Variants in PACS1 observed in about 807,000 individuals in gnomAD.
PACS1 encodes phosphofurin acidic cluster sorting protein 1, also known as PACS-1.
Under a neutral mutation model 115.0 loss-of-function variants are expected in PACS1, and 24 were observed. The observed-to-expected ratio is 0.21, with a 90% CI of 0.15 to 0.29. PACS1 has a LOEUF of 0.29. PACS1 is among the 10% of genes least tolerant of loss of function. PACS1 has a pLI of 1.00. For missense variants in PACS1, 838 were observed against 1,251.2 expected, an observed-to-expected ratio of 0.67 and a Z score of 4.98; for synonymous variants, 453 against 504.5, an observed-to-expected ratio of 0.90 and a Z score of 1.37.
At position 66,208,594 on chromosome 11, in the gene PACS1, C is replaced by T. The variant is rs537360622; in HGVS notation, c.445-1768C>T. 3.4e-5 allele frequency among the ~76,000 whole-genome samples: 5 copies of T among 148,478 alleles called. No individual in the cohort carries two copies. In the East Asian group the frequency reaches 5.9e-4, roughly 18 times the overall value. ...CTTTGGGAGGCTGAAGTGGAAAGAT[C>T]GTTTGAGCTCAGAAGTTAAAGACCA... On this transcript the variant is annotated intron_variant, in intron 2 of 23. Transcript: ENST00000320580.
In PACS1 at chr11:66,235,393, C is replaced by A; in HGVS notation, c.2197C>A (p.Arg733=). Residue 733 remains arginine, a synonymous_variant, in exon 18 of 24, where the codon CGG becomes AGG. Transcript: ENST00000320580. This position sits in a 1 kb window ranked among gnomAD's most constrained non-coding sequence, Gnocchi z 5.6. ...CGTGGCCGAAGCCATGCTGACTTGC[C>A]GGCATAAGTTGTAAGTTTGACTTTG... is the stretch of plus-strand genomic sequence containing the variant. ...LPVAEAMLTC[R]HKFPDEDSYQ... 6.2e-7 allele frequency: 1 copy of A among 1,612,624 alleles called. No individual in the cohort carries two copies. Among genetic ancestry groups the A allele is most frequent in the Non-Finnish European group, 8.5e-7 (1 of 1,178,744 alleles).
At chr11:66,182,961 C>T (rs534832832) in intron 1 of PACS1, among the ~76,000 whole-genome samples, 3 of 152,106 alleles carry the variant, frequency 2.0e-5, no homozygotes, top group African/African-American at 7.2e-5. Context: ...GAAACCTCGT[C>T]TCTACTAAAA....
At chr11:66,139,525 C>T (rs1858930775) in intron 1 of PACS1, among the ~76,000 whole-genome samples, 1 of 146,336 alleles carries the variant, frequency 6.8e-6, no homozygotes, top group African/African-American at 2.5e-5. Context: ...CCTGTGGTAA[C>T]CATCCTTCTA....
rs963096430 is a variant in PACS1 at position 66,070,345 on chromosome 11, G to C, written c.-142G>C. 222 of 338,982 alleles carry C rather than the reference G, an allele frequency of 6.5e-4. 1 individual carries two copies. Among genetic ancestry groups the C allele is most frequent in the Non-Finnish European group, 9.5e-4 (201 of 211,288 alleles). The allele number at this position is 338,982 out of a possible 1,614,324, so 21.0% of individuals were successfully genotyped here. A position where few individuals can be genotyped will look rare whatever the true frequency, so the allele number is the denominator to read the frequency against. ...AGGCCCGCGCGCCCAGAGGCCCCGC[G>C]CGTGCGTGCAGCTCGCTGGCTGCTC... On this transcript the variant is annotated 5_prime_UTR_variant, in exon 1 of 24. Coordinates refer to ENST00000320580, the MANE Select transcript of PACS1 (RefSeq NM_018026.4). The surrounding 1 kb of genome is among the most constrained non-coding windows in gnomAD (Gnocchi z 5.9).
chr11:66,166,620 A>G (rs1405853305), intron 1 of PACS1, among the ~76,000 whole-genome samples: 4 of 150,608 alleles, frequency 2.7e-5, no homozygotes, highest in Non-Finnish European at 5.9e-5. Flanking sequence ...TTTGAATTTG[A>G]TATAGTACAA....
At position 66,216,261 on chromosome 11, in the gene PACS1, C is replaced by G; in HGVS notation, c.803C>G (p.Ser268Cys). ...CATGAAGGAATCAAATCCAAGCTTT[C>G]TGGTAAGAAGCATGCAGCATCTGGA... Reference protein sequence around the residue: ...IDHEGIKSKLSDRSPDIDNYS... With the variant: ...IDHEGIKSKLCDRSPDIDNYS... The change falls in exon 5 of 24, where the codon TCT becomes TGT. Residue 268 changes from serine (S) to cysteine (C), a missense_variant and splice_region_variant. By Grantham distance (112) the Ser-to-Cys change is moderately radical. Coordinates refer to ENST00000320580, the MANE Select transcript of PACS1 (RefSeq NM_018026.4). 1 of 1,614,002 alleles carries G rather than the reference C, an allele frequency of 6.2e-7. No individual in the cohort carries two copies. The highest frequency in any genetic ancestry group is 8.5e-7 in the Non-Finnish European group (1 of 1,179,984).
At position 66,243,360 on chromosome 11, in the gene PACS1, C is replaced by T. The variant is rs940451146; in HGVS notation, c.*80C>T. ...GCGGGCAGGGGGAGGCCAGCAGGCC[C>T]GGGCCCAGCACCCCTTCCCTGGCAC... On this transcript the variant is annotated 3_prime_UTR_variant, in exon 24 of 24. Transcript: ENST00000320580. 3.8e-5 allele frequency: 36 copies of T among 937,330 alleles called. No individual in the cohort carries two copies. Among genetic ancestry groups the T allele is most frequent in the Middle Eastern group, 6.3e-4 (2 of 3,176 alleles). 58.1% of individuals were successfully genotyped at this position (937,330 alleles called of 1,614,324 possible).
intron 4 of PACS1, among the ~76,000 whole-genome samples, chr11:66,214,374 C>T (rs1042826384): frequency 2.6e-5 from 4 of 152,074 alleles, no homozygotes; most frequent in Non-Finnish European, 5.9e-5. Context: ...TTCCTCATTG[C>T]CAGTGACAGG....
intron 1 of PACS1, among the ~76,000 whole-genome samples, chr11:66,187,710 G>T (rs1415504737): frequency 1.3e-5 from 2 of 152,094 alleles, no homozygotes; most frequent in Non-Finnish European, 2.9e-5. Context: ...TTCCTCTGTT[G>T]TCGGACCCCT....
At chr11:66,092,606 G>A (rs1410703276) in intron 1 of PACS1, among the ~76,000 whole-genome samples, 2 of 152,042 alleles carry the variant, frequency 1.3e-5, no homozygotes, top group Non-Finnish European at 2.9e-5. Context: ...CCATGCCTAT[G>A]TCCTGAATGG....
At chr11:66,145,451 G>A (rs1342026697) in intron 1 of PACS1, among the ~76,000 whole-genome samples, 13 of 152,190 alleles carry the variant, frequency 8.5e-5, no homozygotes, top group South Asian at 2.1e-4. Flanking sequence ...AGTTCTGGTA[G>A]TGAGAGAGCT....
chr11:66,099,718 G>A (rs1007426711), intron 1 of PACS1, among the ~76,000 whole-genome samples: 1 of 150,936 alleles, frequency 6.6e-6, no homozygotes, highest in African/African-American at 2.4e-5. Flanking sequence ...GCTAATTTTT[G>A]TATTTTTTGT....
At chr11:66,196,193 C>T (rs1854645690) in intron 2 of PACS1, among the ~76,000 whole-genome samples, 4 of 152,220 alleles carry the variant, frequency 2.6e-5, no homozygotes. Context: ...CAGTGCACTC[C>T]AGCCTGGGTG....
chr11:66,121,127 A>C (rs889743737), intron 1 of PACS1: 4 of 451,132 alleles, frequency 8.9e-6, no homozygotes, highest in African/African-American at 6.0e-5. Context: ...TCTGTGTCAC[A>C]TTTTGGTAAT....
At chr11:66,183,394 G>T (rs1161377717) in intron 1 of PACS1, among the ~76,000 whole-genome samples, 1 of 151,990 alleles carries the variant, frequency 6.6e-6, no homozygotes, top group African/African-American at 2.4e-5. Flanking sequence ...TTTTCTCTTG[G>T]TTTACTCTTT....
chr11:66,223,054 CAAAAAA>C (rs71461612), intron 10 of PACS1, among the ~76,000 whole-genome samples: 4 of 75,008 alleles, frequency 5.3e-5, no homozygotes, highest in East Asian at 7.0e-4. Flanking sequence ...CCTCGATTTA[CAAAAAA>C]AAAAAAAAAA....
intron 1 of PACS1, among the ~76,000 whole-genome samples, chr11:66,159,880 G>A (rs989081001): frequency 4.3e-4 from 66 of 152,326 alleles, no homozygotes; most frequent in African/African-American, 1.5e-3. Flanking sequence ...TCGTGACACT[G>A]TTTAGAAAGG....
chr11:66,086,201 G>C (rs1277135006), intron 1 of PACS1, among the ~76,000 whole-genome samples: 1 of 147,758 alleles, frequency 6.8e-6, no homozygotes, highest in Non-Finnish European at 1.5e-5. Context: ...GCAGTGGCGC[G>C]ATCTCGGCTC....
intron 1 of PACS1, chr11:66,100,919 C>G: frequency 2.2e-6 from 1 of 456,224 alleles, no homozygotes; most frequent in South Asian, 1.5e-5. Flanking sequence ...CAAGCAAGAG[C>G]GAGCTGGCGG....
Sources: gnomAD v4.1 joint callset for allele counts (sites outside exome capture counted in the v4.1 genomes callset) on GRCh38, gnomAD v4.1.1 for gene constraint, Gnocchi (gnomAD v3.1) non-coding constraint, MANE v1.5 for transcripts, NCBI Gene and HGNC (gene_info 2026-07-23, HGNC 2026-07-21) for gene names.